The following MEF2A variants were observed in gnomAD, a reference collection of about 807,000 sequenced individuals.
MEF2A encodes the protein myocyte enhancer factor 2A.
MEF2A carries 28 observed loss-of-function variants against 55.8 expected under a neutral mutation model. The observed-to-expected ratio is 0.50, with a 90% CI of 0.37 to 0.69. The LOEUF is 0.69. MEF2A is among the 30% of genes least tolerant of loss of function. The pLI is 0.00. For synonymous variants in MEF2A, 239 were observed against 227.1 expected, an observed-to-expected ratio of 1.05 and a Z score of -0.47; for missense variants, 528 against 626.2, an observed-to-expected ratio of 0.84 and a Z score of 1.67.
intron 4 of MEF2A, among the ~76,000 whole-genome samples, chr15:99,656,463 T>C (rs2047725170): frequency 6.6e-6 from 1 of 152,128 alleles, no homozygotes; most frequent in African/African-American, 2.4e-5. Context: ...TGAGGCATCT[T>C]AGTAGCTAGT....
rs78569177 is a variant in MEF2A at position 99,678,618 on chromosome 15, G to C, written c.670+3160G>C. The C allele has an allele frequency of 2.3e-4, 224 of 981,610 alleles. No homozygotes were observed. In the African/African-American group the frequency reaches 3.7e-3, roughly 16 times the overall value. The allele number at this position is 981,610 out of a possible 1,614,324, so 60.8% of individuals were successfully genotyped here. On this transcript the variant is annotated intron_variant, in intron 7 of 11. Coordinates refer to ENST00000557942, the MANE Select transcript of MEF2A (RefSeq NM_001319206.4). Reference sequence around the variant, plus strand: ...TATTTTAATTTTTGTTGCATCTTCTGCCTGCTTCCCTAAAATTGGAATACT... The same window carrying C: ...TATTTTAATTTTTGTTGCATCTTCTCCCTGCTTCCCTAAAATTGGAATACT...
Position 99,712,756 on chromosome 15 carries a change from C to T in MEF2A, c.1503C>T (p.Asp501=), listed in dbSNP as rs762495669. 5.8e-6 allele frequency: 9 copies of T among 1,557,544 alleles called. No individual in the cohort carries two copies. The highest frequency in any genetic ancestry group is 2.4e-5 in the East Asian group (1 of 41,418). Residue 501 remains aspartate, a synonymous_variant, in exon 12 of 12, where the codon GAC becomes GAT. Coordinates refer to ENST00000557942, the MANE Select transcript of MEF2A (RefSeq NM_001319206.4). This position sits in a 1 kb window ranked among gnomAD's most constrained non-coding sequence, Gnocchi z 4.1. ...ESPSVKRMRM[D]AWVT ...CTTCTGTAAAGCGAATGAGGATGGA[C>T]GCGTGGGTGACCTAAGGCTTCCAAG...
chr15:99,637,355 G>T (rs2044066612), intron 3 of MEF2A, among the ~76,000 whole-genome samples: 1 of 151,880 alleles, frequency 6.6e-6, no homozygotes, highest in Non-Finnish European at 1.5e-5. Context: ...CTCCATAATG[G>T]CTGATAGTTT....
At chr15:99,663,808 A>G (rs574251244) in intron 4 of MEF2A, among the ~76,000 whole-genome samples, 128 of 152,294 alleles carry the variant, frequency 8.4e-4, no homozygotes, top group African/African-American at 3.0e-3. Flanking sequence ...TGTCCTCTCA[A>G]GTATCTTTTT....
At chr15:99,587,198 C>T (rs141776766) in intron 1 of MEF2A, among the ~76,000 whole-genome samples, 12,768 of 152,022 alleles carry the variant, frequency 0.084, 711 homozygotes, top group Middle Eastern at 0.17. Context: ...ATAATGCTAT[C>T]CCTCCCCTTG....
chr15:99,644,706 TTA>T (rs1220919642), intron 3 of MEF2A, among the ~76,000 whole-genome samples: 4 of 152,182 alleles, frequency 2.6e-5, no homozygotes, highest in Non-Finnish European at 2.9e-5. Flanking sequence ...TAAACAGACT[TTA>T]TGTTTTAGAG....
At chr15:99,696,074 A>G (rs1018160707) in intron 8 of MEF2A, among the ~76,000 whole-genome samples, 48 of 152,232 alleles carry the variant, frequency 3.2e-4, no homozygotes, top group African/African-American at 1.1e-3. Context: ...AACTGTCTTT[A>G]ATGTGTATGC....
intron 4 of MEF2A, among the ~76,000 whole-genome samples, chr15:99,667,371 C>T (rs2050002245): frequency 6.6e-6 from 1 of 152,100 alleles, no homozygotes; most frequent in South Asian, 2.1e-4. Flanking sequence ...CAGGTGCCCG[C>T]CACCACGCCC....
chr15:99,630,465 A>G lies in MEF2A; in HGVS notation c.-142-2513A>G, dbSNP rs550315487. The stretch of plus-strand genomic sequence containing the variant: ...TGAAAATTCTTCATTTTACTTTTTA[A>G]TTCCTTGAACATTTAACTTGTTTTA... On this transcript the variant is annotated intron_variant, in intron 2 of 11. Coordinates refer to ENST00000557942, the MANE Select transcript of MEF2A (RefSeq NM_001319206.4). 4.0e-5 allele frequency among the ~76,000 whole-genome samples: 6 copies of G among 150,716 alleles called. No homozygotes were observed. In the South Asian group the frequency reaches 1.1e-3, roughly 27 times the overall value.
At chr15:99,575,470 T>A (rs866737823) in intron 1 of MEF2A, among the ~76,000 whole-genome samples, 9 of 152,212 alleles carry the variant, frequency 5.9e-5, no homozygotes, top group Non-Finnish European at 8.8e-5. Flanking sequence ...AAAAATCCCA[T>A]GTAAGTGATG....
At position 99,602,044 on chromosome 15, in the gene MEF2A, C is replaced by T. The variant is rs183501433; in HGVS notation, c.-143+3533C>T. 6.8e-4 allele frequency among the ~76,000 whole-genome samples: 103 copies of T among 152,192 alleles called. 1 individual carries two copies. The highest frequency in any genetic ancestry group is 5.9e-5 in the Non-Finnish European group (4 of 68,024). On this transcript the variant is annotated intron_variant, in intron 2 of 11. Coordinates refer to ENST00000557942, the MANE Select transcript of MEF2A (RefSeq NM_001319206.4). ...TGAATCTGCATGGGTCTACGGCAAC[C>T]TCAGTTCTTGCCCTCTCAGAAGAAA...
intron 1 of MEF2A, among the ~76,000 whole-genome samples, chr15:99,569,870 CTG>C (rs1289558622): frequency 6.6e-6 from 1 of 151,898 alleles, no homozygotes; most frequent in South Asian, 2.1e-4. Context: ...TATAGTTTAT[CTG>C]TGTGCCTTAT....
rs147431332 is a variant in MEF2A at position 99,579,725 on chromosome 15, A to G, written c.-225+13621A>G. On this transcript the variant is annotated intron_variant, in intron 1 of 11. Transcript: ENST00000557942. The stretch of plus-strand genomic sequence containing the variant: ...TCATTTTTATAGTATTGAGTGTTTT[A>G]TAGTATTCCTAGTTTATTGATTCCC... Among the ~76,000 whole-genome samples the G allele has an allele frequency of 8.6e-3, 1,314 of 152,208 alleles. 60 individuals are homozygous for G. Among genetic ancestry groups the G allele is most frequent in the Admixed American group, 0.073 (1,111 of 15,290 alleles).
chr15:99,682,636 C>G (rs1426243093), intron 7 of MEF2A, among the ~76,000 whole-genome samples: 1 of 152,206 alleles, frequency 6.6e-6, no homozygotes, highest in Non-Finnish European at 1.5e-5. Flanking sequence ...CAAACACTTA[C>G]ATCATCCTTT....
chr15:99,600,276 TGTAGACA>T (rs1330167095), intron 2 of MEF2A, among the ~76,000 whole-genome samples: 1 of 152,174 alleles, frequency 6.6e-6, no homozygotes, highest in Non-Finnish European at 1.5e-5. Flanking sequence ...TCTCTAAGGA[TGTAGACA>T]GTGTCTTATC....
At chr15:99,627,419 CAAAAAAAAAAAAA>C (rs139658538) in intron 2 of MEF2A, among the ~76,000 whole-genome samples, 24 of 43,046 alleles carry the variant, frequency 5.6e-4, no homozygotes, top group South Asian at 2.9e-3. Context: ...GACTTTATCT[CAAAAAAAAAAAAA>C]AAAAAAAAAA....
chr15:99,622,788 C>T (rs1039280015), intron 2 of MEF2A, among the ~76,000 whole-genome samples: 4 of 149,834 alleles, frequency 2.7e-5, no homozygotes, highest in African/African-American at 7.3e-5. Context: ...CTGCAAGCTC[C>T]GCCTCCCGGG....
chr15:99,686,948 T>C (rs1567443588), intron 7 of MEF2A, among the ~76,000 whole-genome samples: 1 of 151,866 alleles, frequency 6.6e-6, no homozygotes, highest in Non-Finnish European at 1.5e-5. Flanking sequence ...CTTTGTTCGA[T>C]TGGATTAATT....
intron 1 of MEF2A, among the ~76,000 whole-genome samples, chr15:99,576,564 T>C (rs1468357581): frequency 6.6e-6 from 1 of 152,130 alleles, no homozygotes; most frequent in East Asian, 1.9e-4. Context: ...TGGAAACCTT[T>C]CTTTTAAGTG....
Sources: allele counts gnomAD v4.1 joint callset (sites outside exome capture counted in the v4.1 genomes callset), GRCh38; gene constraint gnomAD v4.1.1; non-coding constraint Gnocchi (gnomAD v3.1); transcripts MANE v1.5; gene names NCBI Gene and HGNC (gene_info 2026-07-23, HGNC 2026-07-21).